The following CLOCK variants were observed in gnomAD, a reference collection of about 807,000 sequenced individuals.
CLOCK encodes the protein circadian locomoter output cycles protein kaput.
Under a neutral mutation model 118.4 loss-of-function variants are expected in CLOCK, and 43 were observed. The ratio of observed to expected loss-of-function variants is 0.36; its 90% CI spans 0.28 to 0.47. The LOEUF (loss-of-function observed/expected upper bound fraction) is 0.47, where lower values mean the gene tolerates loss of function less well. Among genes scored for constraint, CLOCK ranks in the 20% least tolerant of loss-of-function variants. CLOCK has a pLI of 1.00. For missense variants in CLOCK, 846 were observed against 999.9 expected, an observed-to-expected ratio of 0.85 and a Z score of 2.08; for synonymous variants, 326 against 339.2, an observed-to-expected ratio of 0.96 and a Z score of 0.43.
At chr4:55,450,398 C>T (rs911312721) in intron 15 of CLOCK, among the ~76,000 whole-genome samples, 166 bp from the exon 16 acceptor site, 1 of 152,104 alleles carries the variant, frequency 6.6e-6, no homozygotes. Context: ...GTGTTATAGC[C>T]AGAAAGTTTT....
At chr4:55,456,983 T>A (rs1230662177) in intron 11 of CLOCK, among the ~76,000 whole-genome samples, 1 of 152,214 alleles carries the variant, frequency 6.6e-6, no homozygotes. Flanking sequence ...CAGGCCCTTC[T>A]AAACAAGTTA....
rs1722785490 is a variant in CLOCK at position 55,435,193 on chromosome 4, G to C, written c.*222C>G. ...TATCCAGGCACCTAAAACACTGTCA[G>C]AACTGGCTATGCCCCTATGATCACC... On this transcript the variant is annotated 3_prime_UTR_variant, in exon 23 of 23. Coordinates refer to ENST00000513440, the MANE Select transcript of CLOCK (RefSeq NM_004898.4). 1.6e-5 allele frequency: 9 copies of C among 568,208 alleles called. No individual in the cohort carries two copies. The South Asian group carries it at 1.6e-4, about 10-fold the overall frequency. 35.2% of individuals were successfully genotyped at this position (568,208 alleles called of 1,614,324 possible).
At chr4:55,505,838 C>T (rs1175984893) in intron 2 of CLOCK, among the ~76,000 whole-genome samples, 3 of 114,828 alleles carry the variant, frequency 2.6e-5, no homozygotes, top group Non-Finnish European at 5.8e-5. Context: ...CTGTCAACAA[C>T]AATCCTGTTG....
In CLOCK at chr4:55,523,378, A is replaced by G. The variant is rs1191481913; in HGVS notation, c.-289-13313T>C. 3.3e-5 allele frequency among the ~76,000 whole-genome samples: 5 copies of G among 152,326 alleles called. No individual in the cohort carries two copies. The East Asian group carries it at 9.6e-4, about 29-fold the overall frequency. On this transcript the variant is annotated intron_variant, in intron 1 of 22. Transcript: ENST00000513440. Reference sequence around the variant, plus strand: ...TGACCAAAGAGTAGCTAGAGTATCAAGTCAACCCTCAGGGTACAGAACAGT... The same window carrying G: ...TGACCAAAGAGTAGCTAGAGTATCAGGTCAACCCTCAGGGTACAGAACAGT...
At chr4:55,539,349 G>A (rs1362762114) in intron 1 of CLOCK, among the ~76,000 whole-genome samples, 1 of 152,010 alleles carries the variant, frequency 6.6e-6, no homozygotes. Flanking sequence ...CAAGGTGGGG[G>A]GATCTCTTAA....
intron 3 of CLOCK, among the ~76,000 whole-genome samples, chr4:55,488,363 G>C (rs1166552017): frequency 1.3e-5 from 2 of 152,132 alleles, no homozygotes; most frequent in African/African-American, 4.8e-5. Flanking sequence ...CCCTAGAATA[G>C]ATTGTCAAAT....
intron 1 of CLOCK, among the ~76,000 whole-genome samples, chr4:55,527,420 T>G (rs1350395377): frequency 6.6e-6 from 1 of 152,148 alleles, no homozygotes; most frequent in East Asian, 1.9e-4. Context: ...CTTAGGATAT[T>G]AGAGAGAACA....
intron 1 of CLOCK, among the ~76,000 whole-genome samples, chr4:55,510,641 A>G (rs1729086422): frequency 6.6e-6 from 1 of 150,658 alleles, no homozygotes; most frequent in Admixed American, 6.6e-5. Flanking sequence ...AAAAAAAAAA[A>G]AAAAAAAAAA....
intron 2 of CLOCK, among the ~76,000 whole-genome samples, chr4:55,492,909 A>G (rs1727815006): frequency 6.6e-6 from 1 of 152,214 alleles, no homozygotes; most frequent in Non-Finnish European, 1.5e-5. Flanking sequence ...AACTGCATTA[A>G]CAGTGGCATG....
chr4:55,545,937 A>G (rs1384372581), intron 1 of CLOCK: 1 of 152,218 alleles, frequency 6.6e-6, no homozygotes, highest in Non-Finnish European at 1.5e-5. Context: ...TCAGACGCTA[A>G]TAGCCGCGCG....
chr4:55,474,950 C>T (rs1726400786), intron 7 of CLOCK, among the ~76,000 whole-genome samples: 2 of 152,136 alleles, frequency 1.3e-5, no homozygotes, highest in Admixed American at 1.3e-4. Context: ...ATTCTGCAGC[C>T]CATGGGTCAA....
chr4:55,460,819 A>G (rs967706621), intron 9 of CLOCK, among the ~76,000 whole-genome samples: 1 of 152,122 alleles, frequency 6.6e-6, no homozygotes, highest in Non-Finnish European at 1.5e-5. Context: ...GTAAAAATCT[A>G]TCTATCTTCA....
chr4:55,465,166 T>G (rs2109830346), intron 8 of CLOCK, among the ~76,000 whole-genome samples: 1 of 152,376 alleles, frequency 6.6e-6, no homozygotes, highest in Middle Eastern at 3.4e-3. Flanking sequence ...CTGTACTGAA[T>G]ACGTGCATTT....
In CLOCK at chr4:55,505,519, C is replaced by T. The variant is rs1286547075; in HGVS notation, c.-136+4393G>A. 3.3e-5 allele frequency among the ~76,000 whole-genome samples: 5 copies of T among 151,930 alleles called. No individual in the cohort carries two copies. In the East Asian group the frequency reaches 9.8e-4, roughly 30 times the overall value. On this transcript the variant is annotated intron_variant, in intron 2 of 22. Coordinates refer to ENST00000513440, the MANE Select transcript of CLOCK (RefSeq NM_004898.4). ...TATCTACTAAAAATACAAAAATTAG[C>T]TGGGTGTTGTGGCACGTGCCTATGG...
At position 55,469,570 on chromosome 4, in the gene CLOCK, C is replaced by T. The variant is rs1725986676; in HGVS notation, c.438+1147G>A. Among the ~76,000 whole-genome samples the T allele has an allele frequency of 2.0e-5, 3 of 152,164 alleles. No homozygotes were observed. The South Asian group carries it at 6.2e-4, about 32-fold the overall frequency. On this transcript the variant is annotated intron_variant, in intron 8 of 22. Coordinates refer to ENST00000513440, the MANE Select transcript of CLOCK (RefSeq NM_004898.4). ...GACAGTGATGTTGATGATCCTGACCCCGCGTAGGCCTAGGCTAATGTGTGT... is the reference window on the plus strand; with the variant it reads ...GACAGTGATGTTGATGATCCTGACCTCGCGTAGGCCTAGGCTAATGTGTGT...
intron 8 of CLOCK, among the ~76,000 whole-genome samples, chr4:55,466,397 TG>T (rs1725743250): frequency 6.6e-6 from 1 of 152,168 alleles, no homozygotes; most frequent in Admixed American, 6.5e-5. Context: ...TACCCAGTCT[TG>T]GGGAGTCCTT....
chr4:55,490,827 G>C (rs1727624077), intron 2 of CLOCK, among the ~76,000 whole-genome samples: 1 of 152,116 alleles, frequency 6.6e-6, no homozygotes. Flanking sequence ...AAGGCCAACT[G>C]TATAGACCAA....
intron 22 of CLOCK, 60 bp from the exon 23 acceptor site, chr4:55,435,654 G>C: frequency 6.5e-7 from 1 of 1,538,120 alleles, no homozygotes; most frequent in Non-Finnish European, 9.0e-7. Flanking sequence ...CCACATAATA[G>C]TTACTCACAC....
chr4:55,453,260 C>G (rs1724628142), intron 14 of CLOCK, 131 bp from the exon 15 acceptor site: 1 of 731,382 alleles, frequency 1.4e-6, no homozygotes, highest in Non-Finnish European at 2.4e-6. Flanking sequence ...CTACACAAAC[C>G]TAAAATATAC....
Sources: allele counts gnomAD v4.1 joint callset (sites outside exome capture counted in the v4.1 genomes callset), GRCh38; gene constraint gnomAD v4.1.1; transcripts MANE v1.5; gene names NCBI Gene and HGNC (gene_info 2026-07-23, HGNC 2026-07-21).